MECOM: variants seen among roughly 807,000 people sequenced by gnomAD.
MECOM encodes histone-lysine N-methyltransferase MECOM.
MECOM carries 13 observed loss-of-function variants against 116.3 expected under a neutral mutation model. The observed-to-expected ratio is 0.11, with a 90% CI of 0.07 to 0.18. The LOEUF is 0.18. Ranked by LOEUF, MECOM falls within the 10% of genes least tolerant of loss-of-function variation. MECOM has a pLI of 1.00. For missense variants in MECOM, 1,299 were observed against 1,509.0 expected (o/e 0.86, Z 2.31); for synonymous variants, 528 against 535.2 (o/e 0.99, Z 0.19).
chr3:169,441,567 A>G (rs1743675702), intron 1 of MECOM, among the ~76,000 whole-genome samples: 1 of 152,114 alleles, frequency 6.6e-6, no homozygotes, highest in African/African-American at 2.4e-5. Context: ...CAACATCTCA[A>G]ATCTCAGATA....
chr3:169,342,511 T>C (rs1266042147), intron 2 of MECOM, among the ~76,000 whole-genome samples: 1 of 152,182 alleles, frequency 6.6e-6, no homozygotes, highest in African/African-American at 2.4e-5. Context: ...AATTTTTACC[T>C]GATCTTTTGC....
intron 1 of MECOM, among the ~76,000 whole-genome samples, chr3:169,557,135 G>T (rs1316899147): frequency 6.6e-6 from 1 of 152,114 alleles, no homozygotes; most frequent in Non-Finnish European, 1.5e-5. Flanking sequence ...CACTCATAGA[G>T]TATACATTGG....
rs1716886088 is a variant in MECOM at position 169,083,818 on chromosome 3, A to G, written c.*1091T>C. ...GCATAAAATATGGAGTACAGTTTTT[A>G]ATCAGAAGAATCATGCTTCCATGAA... On this transcript the variant is annotated 3_prime_UTR_variant, in exon 17 of 17. Transcript: ENST00000651503. 1.4e-5 allele frequency: 3 copies of G among 213,694 alleles called. No individual in the cohort carries two copies. The East Asian group carries it at 2.1e-4, about 15-fold the overall frequency. The allele number at this position is 213,694 out of a possible 1,614,324, so 13.2% of individuals were successfully genotyped here.
At chr3:169,206,592 A>G (rs995744592) in intron 2 of MECOM, among the ~76,000 whole-genome samples, 7 of 151,890 alleles carry the variant, frequency 4.6e-5, no homozygotes, top group Non-Finnish European at 7.4e-5. Flanking sequence ...TCTCTACTAA[A>G]AACTACAAAA....
intron 1 of MECOM, among the ~76,000 whole-genome samples, chr3:169,470,420 A>T (rs780754680): frequency 6.6e-6 from 1 of 152,170 alleles, no homozygotes; most frequent in Admixed American, 6.5e-5. Context: ...GCAAAACCAC[A>T]CTCAGATCAT....
At chr3:169,170,325 T>C (rs1215393286) in intron 2 of MECOM, among the ~76,000 whole-genome samples, 2 of 142,240 alleles carry the variant, frequency 1.4e-5, no homozygotes, top group East Asian at 4.1e-4. Flanking sequence ...GAGAATCCCC[T>C]GAACCCGGGA....
chr3:169,259,564 AT>A (rs1757286359), intron 2 of MECOM, among the ~76,000 whole-genome samples: 1 of 151,972 alleles, frequency 6.6e-6, no homozygotes, highest in Admixed American at 6.6e-5. Context: ...CTCTAAAAAA[AT>A]AATTAAAAAA....
chr3:169,483,645 T>C (rs1245437594), intron 1 of MECOM: 2 of 1,458,572 alleles, frequency 1.4e-6, no homozygotes, highest in African/African-American at 1.5e-5. Context: ...CAAGAACTCA[T>C]ACAAAATTTT....
chr3:169,558,242 T>C (rs1449590446), intron 1 of MECOM, among the ~76,000 whole-genome samples: 1 of 152,222 alleles, frequency 6.6e-6, no homozygotes, highest in African/African-American at 2.4e-5. Flanking sequence ...GATTTTTCTT[T>C]TGTTTCTTAT....
chr3:169,626,881 G>A (rs1369838143), intron 1 of MECOM, among the ~76,000 whole-genome samples: 2 of 150,854 alleles, frequency 1.3e-5, no homozygotes, highest in Non-Finnish European at 2.9e-5. Context: ...TCTCAAATAA[G>A]TGGGGTTTTC....
At chr3:169,097,932 C>T (rs1006635143) in intron 12 of MECOM, among the ~76,000 whole-genome samples, 1 of 148,964 alleles carries the variant, frequency 6.7e-6, no homozygotes. Flanking sequence ...TTAACTTTTA[C>T]TACATAAAGT....
At chr3:169,110,745 G>T (rs1177759519) in intron 9 of MECOM, among the ~76,000 whole-genome samples, 1 of 152,088 alleles carries the variant, frequency 6.6e-6, no homozygotes, top group Admixed American at 6.5e-5. Flanking sequence ...GACGCATCAG[G>T]TTCTAAGTAT....
intron 2 of MECOM, chr3:169,144,998 A>G (rs1009196340): frequency 6.4e-7 from 1 of 1,562,084 alleles, no homozygotes; most frequent in East Asian, 2.3e-5. Context: ...TTAACTCACC[A>G]TATACTTCAA....
intron 2 of MECOM, among the ~76,000 whole-genome samples, chr3:169,176,225 G>T (rs1020100638): frequency 6.6e-6 from 1 of 152,072 alleles, no homozygotes; most frequent in Non-Finnish European, 1.5e-5. Context: ...TGGGCCACAG[G>T]TTGGACAAGC....
At chr3:169,272,787 T>C (rs1354142135) in intron 2 of MECOM, among the ~76,000 whole-genome samples, 3 of 152,134 alleles carry the variant, frequency 2.0e-5, no homozygotes, top group African/African-American at 7.2e-5. Flanking sequence ...AACTTCTCTT[T>C]GTCTGGCAAT....
chr3:169,402,465 A>T (rs555928010), intron 1 of MECOM, among the ~76,000 whole-genome samples: 1 of 152,248 alleles, frequency 6.6e-6, no homozygotes, highest in Admixed American at 6.5e-5. Context: ...TAGGAAAAAA[A>T]TTTCATTCTT....
intron 1 of MECOM, among the ~76,000 whole-genome samples, chr3:169,465,944 A>G (rs1187470403): frequency 6.6e-6 from 1 of 152,212 alleles, no homozygotes; most frequent in Non-Finnish European, 1.5e-5. Flanking sequence ...AGAGTTCTTC[A>G]AACACTATGC....
At chr3:169,147,473 A>T in intron 2 of MECOM, 2 of 985,476 alleles carry the variant, frequency 2.0e-6, no homozygotes, top group Non-Finnish European at 2.4e-6. Context: ...GAGTGATCTG[A>T]TCGGAAGCCA....
intron 1 of MECOM, among the ~76,000 whole-genome samples, chr3:169,448,553 G>T (rs1745038646): frequency 6.6e-6 from 1 of 152,144 alleles, no homozygotes; most frequent in Admixed American, 6.6e-5. Flanking sequence ...TGGCAAGAGA[G>T]GTACTGGTAA....
Sources: gnomAD v4.1 joint callset for allele counts (sites outside exome capture counted in the v4.1 genomes callset) on GRCh38, gnomAD v4.1.1 for gene constraint, MANE v1.5 for transcripts, NCBI Gene and HGNC (gene_info 2026-07-23, HGNC 2026-07-21) for gene names.